PCDHA2: variants seen among roughly 807,000 people sequenced by gnomAD.
The protein encoded by PCDHA2 is protocadherin alpha-2.
PCDHA2 carries 58 observed loss-of-function variants against 66.0 expected under a neutral mutation model. That is an observed-to-expected ratio of 0.88 (90% CI 0.71 to 1.09). PCDHA2 has a LOEUF of 1.09. Among genes scored for constraint, PCDHA2 ranks in the 50% least tolerant of loss-of-function variants. The pLI is 0.00. For missense variants in PCDHA2, 1,267 were observed against 1,242.3 expected (o/e 1.02, Z -0.30); for synonymous variants, 634 against 554.0 (o/e 1.14, Z -2.03).
chr5:140,865,144 T>G (rs2048753153), intron 1 of PCDHA2: 1 of 152,224 alleles, frequency 6.6e-6, no homozygotes, highest in East Asian at 1.9e-4. Context: ...AATTTAACAT[T>G]GTATACTTTT....
chr5:140,863,748 C>G (rs1221413981), intron 1 of PCDHA2: 1 of 241,166 alleles, frequency 4.1e-6, no homozygotes, highest in Non-Finnish European at 8.2e-6. Flanking sequence ...TTTGTAATCC[C>G]GGCACTTTGG....
At chr5:140,884,410 G>GT in intron 1 of PCDHA2, 1 of 1,614,008 alleles carries the variant, frequency 6.2e-7, no homozygotes, top group Non-Finnish European at 8.5e-7. Context: ...TGGTGCTCAC[G>GT]TTGCTGCTGT....
chr5:140,997,834 C>T (rs1385482729), intron 3 of PCDHA2, among the ~76,000 whole-genome samples: 2 of 152,106 alleles, frequency 1.3e-5, no homozygotes, highest in Non-Finnish European at 2.9e-5. Context: ...CTAAACAATA[C>T]AATATACATT....
chr5:140,918,032 A>G (rs528006913), intron 1 of PCDHA2, among the ~76,000 whole-genome samples: 2 of 152,224 alleles, frequency 1.3e-5, no homozygotes, highest in East Asian at 1.9e-4. Context: ...TGAGCGTGGA[A>G]GGTCTTTCCA....
At chr5:140,876,058 C>G in intron 1 of PCDHA2, 4 of 1,613,868 alleles carry the variant, frequency 2.5e-6, no homozygotes, top group Non-Finnish European at 3.4e-6. Flanking sequence ...TGAATTAGTT[C>G]TTCGGAAGTT....
chr5:140,838,075 ATAGTGTGTGTGTGTGTGTGTGT>A lies in PCDHA2; in HGVS notation c.2388+40724_2388+40745del, dbSNP rs1451714583. 4.8e-3 allele frequency among the ~76,000 whole-genome samples: 618 copies of A among 128,240 alleles called. 16 individuals carry two copies. Among genetic ancestry groups the A allele is most frequent in the African/African-American group, 0.016 (526 of 32,658 alleles). The allele number at this position is 128,240 out of a possible 152,430, so 84.1% of individuals were successfully genotyped here. A position where few individuals can be genotyped will look rare whatever the true frequency, so the allele number is the denominator to read the frequency against. On this transcript the variant is annotated intron_variant, in intron 1 of 3. Transcript: ENST00000526136. ...GTTTTCCACTTTAAGTTATATATAT[ATAGTGTGTGTGTGTGTGTGTGT>A]GTGTGTGTGTGTGTGTGTGTGTGTG...
chr5:140,803,013 T>C (rs1554122523), intron 1 of PCDHA2: 3 of 1,614,030 alleles, frequency 1.9e-6, no homozygotes. Flanking sequence ...CTACAACGCG[T>C]GGCTTTCGTA....
In PCDHA2 at chr5:140,797,446, A is replaced by C. The variant is rs183641281; in HGVS notation, c.2388+94A>C. 4 of 1,337,576 alleles carry C rather than the reference A, an allele frequency of 3.0e-6. No individual in the cohort carries two copies. The East Asian group carries it at 9.5e-5, about 32-fold the overall frequency. The allele number at this position is 1,337,576 out of a possible 1,614,324, so 82.9% of individuals were successfully genotyped here. A position where few individuals can be genotyped will look rare whatever the true frequency, so the allele number is the denominator to read the frequency against. On this transcript the variant is annotated intron_variant, in intron 1 of 3. Coordinates refer to ENST00000526136, the MANE Select transcript of PCDHA2 (RefSeq NM_018905.3). ...TAGTTATTTAGATTCATAGTTCTTC[A>C]TTTATTTTATATCATCCTACCGTGC...
At chr5:140,824,609 A>ATTTTTT (rs1554129932) in intron 1 of PCDHA2, 2 of 76,944 alleles carry the variant, frequency 2.6e-5, no homozygotes, top group Admixed American at 1.4e-4. Context: ...TGCTAATTAA[A>ATTTTTT]GTTTTTTTTT....
chr5:140,874,732 C>T (rs1338972564), intron 1 of PCDHA2, among the ~76,000 whole-genome samples: 1 of 152,186 alleles, frequency 6.6e-6, no homozygotes, highest in Non-Finnish European at 1.5e-5. Context: ...TTATCACATT[C>T]AAGCATCAAG....
chr5:140,977,074 T>C (rs1315038002), intron 1 of PCDHA2, among the ~76,000 whole-genome samples: 1 of 152,244 alleles, frequency 6.6e-6, no homozygotes, highest in Admixed American at 6.5e-5. Flanking sequence ...AATAGCAGCA[T>C]GACAAATTAA....
At chr5:140,952,961 A>G (rs531904047) in intron 1 of PCDHA2, among the ~76,000 whole-genome samples, 1 of 152,158 alleles carries the variant, frequency 6.6e-6, no homozygotes, top group East Asian at 1.9e-4. Context: ...GGGAAGTGAT[A>G]CACACTTTTA....
chr5:140,806,955 T>G, intron 1 of PCDHA2: 2 of 588,100 alleles, frequency 3.4e-6, no homozygotes, highest in Non-Finnish European at 3.0e-6. Flanking sequence ...TGTGTGGGGG[T>G]TTCCACAATT....
chr5:140,877,440 G>A (rs372613448), intron 1 of PCDHA2: 9 of 1,613,710 alleles, frequency 5.6e-6, no homozygotes, highest in Non-Finnish European at 5.9e-6. Context: ...ACCACGGTGA[G>A]CCCGCGCTGA....
chr5:140,796,386 C>A lies in PCDHA2; in HGVS notation c.1422C>A (p.Ile474=). 1 of 1,613,876 alleles carries A rather than the reference C, an allele frequency of 6.2e-7. No homozygotes were observed. The highest frequency in any genetic ancestry group is 1.1e-5 in the South Asian group (1 of 91,072). The change falls in exon 1 of 4, where the codon ATC becomes ATA. Residue 474 remains isoleucine, a synonymous_variant. Transcript: ENST00000526136. The part of the protein sequence containing the change: ...VKENNPPGCH[I]FTVSAWDADA... Reference sequence around the variant, plus strand: ...AGAACAACCCGCCGGGCTGCCACATCTTCACGGTGTCAGCGTGGGATGCGG... The same window carrying A: ...AGAACAACCCGCCGGGCTGCCACATATTCACGGTGTCAGCGTGGGATGCGG...
chr5:140,831,151 A>G (rs1771403401), intron 1 of PCDHA2: 1 of 152,212 alleles, frequency 6.6e-6, no homozygotes, highest in Admixed American at 6.6e-5. Context: ...TTTACTACCG[A>G]TCTAAATAAT....
At chr5:140,870,848 G>A in intron 1 of PCDHA2, 1 of 1,613,876 alleles carries the variant, frequency 6.2e-7, no homozygotes, top group East Asian at 2.2e-5. Context: ...CTAGTACCGC[G>A]GTCGGTGGGT....
At chr5:140,986,181 G>A (rs531382269) in intron 3 of PCDHA2, among the ~76,000 whole-genome samples, 1 of 152,152 alleles carries the variant, frequency 6.6e-6, no homozygotes, top group Admixed American at 6.6e-5. Flanking sequence ...AACAAGTCAG[G>A]CATTAAATTG....
At chr5:140,877,443 C>A (rs376417721) in intron 1 of PCDHA2, 2 of 1,613,726 alleles carry the variant, frequency 1.2e-6, no homozygotes, top group African/African-American at 2.7e-5. Flanking sequence ...ACGGTGAGCC[C>A]GCGCTGACGT....
Sources: allele counts gnomAD v4.1 joint callset (sites outside exome capture counted in the v4.1 genomes callset), GRCh38; gene constraint gnomAD v4.1.1; transcripts MANE v1.5; gene names NCBI Gene and HGNC (gene_info 2026-07-23, HGNC 2026-07-21).